Variants in KLC1 observed in about 807,000 individuals in gnomAD.
KLC1 encodes kinesin 2 60/70kDa.
Under a neutral mutation model 84.2 loss-of-function variants are expected in KLC1, and 30 were observed. The observed-to-expected ratio is 0.36, with a 90% CI of 0.27 to 0.48. The LOEUF is 0.48. KLC1 is among the 20% of genes least tolerant of loss of function. KLC1 has a pLI of 0.99. For synonymous variants in KLC1, 289 were observed against 293.3 expected (o/e 0.99, Z 0.15); for missense variants, 499 against 805.4 (o/e 0.62, Z 4.60).
intron 11 of KLC1, among the ~76,000 whole-genome samples, chr14:103,676,081 G>C (rs1402150699): frequency 6.6e-6 from 1 of 151,750 alleles, no homozygotes. Flanking sequence ...CACAGCGCTG[G>C]AGACACAGAT....
intron 5 of KLC1, among the ~76,000 whole-genome samples, chr14:103,666,212 T>A (rs561959642): frequency 1.3e-5 from 2 of 152,052 alleles, no homozygotes; most frequent in African/African-American, 4.8e-5. Flanking sequence ...TACAGGCGCC[T>A]GCCACCGCGC....
At chr14:103,675,168 C>A (rs2080773509) in intron 9 of KLC1, among the ~76,000 whole-genome samples, 1 of 151,918 alleles carries the variant, frequency 6.6e-6, no homozygotes, top group East Asian at 1.9e-4. Context: ...ACTAAAAATA[C>A]AAAAAAATTA....
intron 14 of KLC1, among the ~76,000 whole-genome samples, chr14:103,691,155 CTTT>C (rs11384297): frequency 3.9e-5 from 5 of 129,482 alleles, no homozygotes; most frequent in Non-Finnish European, 6.3e-5. Context: ...GTTCCCCCCA[CTTT>C]TTTTTTTTTT....
At chr14:103,651,171 G>A (rs1187467452) in intron 1 of KLC1, among the ~76,000 whole-genome samples, 4 of 151,864 alleles carry the variant, frequency 2.6e-5, no homozygotes, top group Non-Finnish European at 4.4e-5. Context: ...CACCACGCCC[G>A]GCTAATTTTT....
chr14:103,694,034 C>G lies in KLC1; in HGVS notation c.1848+1609C>G, dbSNP rs1299825767. ...AAGAATCTGGAAACATAAAGTACCC[C>G]TTTCAGAACGATAGGCATTTAGTGA... On this transcript the variant is annotated intron_variant, in intron 15 of 16. Coordinates refer to ENST00000334553, the MANE Select transcript of KLC1 (RefSeq NM_001394837.1). This position sits in a 1 kb window ranked among gnomAD's most constrained non-coding sequence, Gnocchi z 4.5. 9.9e-7 allele frequency: 1 copy of G among 1,006,606 alleles called. No individual in the cohort carries two copies. The highest frequency in any genetic ancestry group is 5.7e-5 in the Admixed American group (1 of 17,598). 62.4% of individuals were successfully genotyped at this position (1,006,606 alleles called of 1,614,324 possible). A position where few individuals can be genotyped will look rare whatever the true frequency, so the allele number is the denominator to read the frequency against.
At chr14:103,640,613 G>C (rs1415821148) in intron 1 of KLC1, among the ~76,000 whole-genome samples, 1 of 152,058 alleles carries the variant, frequency 6.6e-6, no homozygotes, top group Non-Finnish European at 1.5e-5. Flanking sequence ...GCCCGCCTCG[G>C]CCTCCCAAAG....
At chr14:103,631,761 C>A (rs2076707188) in intron 1 of KLC1, among the ~76,000 whole-genome samples, 1 of 151,850 alleles carries the variant, frequency 6.6e-6, no homozygotes, top group Admixed American at 6.6e-5. Flanking sequence ...CCACACCAGG[C>A]TGATTTTTTG....
At chr14:103,691,181 CAG>C (rs1489148050) in intron 14 of KLC1, among the ~76,000 whole-genome samples, 2 of 130,206 alleles carry the variant, frequency 1.5e-5, no homozygotes, top group East Asian at 2.3e-4. Context: ...TTTTCTGAGA[CAG>C]AGTCTTGCTG....
intron 15 of KLC1, chr14:103,695,235 G>A (rs562418417): frequency 2.4e-5 from 18 of 734,750 alleles, no homozygotes; most frequent in East Asian, 1.3e-4. Flanking sequence ...AGGCTGAGGC[G>A]GGAGGATCAC....
At chr14:103,698,585 C>T in intron 15 of KLC1, 1 of 603,714 alleles carries the variant, frequency 1.7e-6, no homozygotes. Flanking sequence ...GGCCTGTCCC[C>T]AGACCCAGGG....
At chr14:103,682,081 C>T (rs1353265901) in intron 13 of KLC1, among the ~76,000 whole-genome samples, 1 of 152,054 alleles carries the variant, frequency 6.6e-6, no homozygotes, top group East Asian at 1.9e-4. Flanking sequence ...AATGTTAAGA[C>T]TATACCTTGC....
rs369471460 is a variant in KLC1 at position 103,654,697 on chromosome 14, A to G, written c.133A>G (p.Ile45Val). ...AGCTTTGAAGAATGAGCACAATTCC[A>G]TTTTACAAAGTTTGCTGGAGACACT... ...LEALKNEHNSILQSLLETLKC... is the reference protein window; with the variant it reads ...LEALKNEHNSVLQSLLETLKC... The change falls in exon 2 of 17, where the codon ATT (isoleucine) becomes GTT (valine). Residue 45 changes from isoleucine (I) to valine (V), a missense_variant. Ile to Val is a conservative substitution (Grantham distance 29). Coordinates refer to ENST00000334553, the MANE Select transcript of KLC1 (RefSeq NM_001394837.1). 2.5e-6 allele frequency: 4 copies of G among 1,614,102 alleles called. No individual in the cohort carries two copies. Among genetic ancestry groups the G allele is most frequent in the African/African-American group, 2.7e-5 (2 of 74,926 alleles).
intron 15 of KLC1, chr14:103,700,388 A>G (rs1482378269): frequency 4.8e-6 from 2 of 414,166 alleles, no homozygotes; most frequent in Non-Finnish European, 8.6e-6. Flanking sequence ...AGCCATTGGC[A>G]TGGCTGGCCT....
At chr14:103,630,424 T>A (rs533538482) in intron 1 of KLC1, among the ~76,000 whole-genome samples, 1 of 152,310 alleles carries the variant, frequency 6.6e-6, no homozygotes, top group South Asian at 2.1e-4. Context: ...CTTACAAAAA[T>A]GATGTTTTTT....
intron 15 of KLC1, chr14:103,695,250 GC>G: frequency 2.9e-6 from 2 of 699,748 alleles, no homozygotes; most frequent in Non-Finnish European, 3.5e-6. Flanking sequence ...GATCACTTGA[GC>G]CCAGTTCAAG....
chr14:103,685,472 C>A, intron 13 of KLC1: 1 of 1,239,578 alleles, frequency 8.1e-7, no homozygotes, highest in Non-Finnish European at 1.0e-6. Flanking sequence ...CTGCTTTATG[C>A]TGGACTGGTA....
At chr14:103,677,160 C>T (rs1276489235) in intron 11 of KLC1, among the ~76,000 whole-genome samples, 1 of 152,204 alleles carries the variant, frequency 6.6e-6, no homozygotes, top group East Asian at 1.9e-4. Flanking sequence ...GTGAGAGCCG[C>T]CTCAGCCTGG....
rs2081824198 is a variant in KLC1 at position 103,687,085 on chromosome 14, G to A, written c.1655G>A (p.Gly552Asp). 10 of 1,537,282 alleles carry A rather than the reference G, an allele frequency of 6.5e-6. No individual in the cohort carries two copies. The highest frequency in any genetic ancestry group is 7.9e-6 in the Non-Finnish European group (9 of 1,136,218). The change falls in exon 14 of 17, where the codon GGC becomes GAC. Residue 552 changes from glycine to aspartate, a missense_variant. This residue lies in a region of KLC1 where 167 missense variants were observed against 208.8 expected (regional missense o/e 0.80). Coordinates refer to ENST00000334553, the MANE Select transcript of KLC1 (RefSeq NM_001394837.1). ...GTTTGTTCACGTTTTTTTCAGGATG[G>A]CACTGGATCTTTAAAACGCAGTGGT... ...VSMSVEWNGD[G>D]TGSLKRSGSF... is the part of the protein sequence containing the mutation.
rs2083129517 is a variant in KLC1 at position 103,700,845 on chromosome 14, G to T, written c.*1+118G>T. On this transcript the variant is annotated intron_variant, in intron 16 of 16. Coordinates refer to ENST00000334553, the MANE Select transcript of KLC1 (RefSeq NM_001394837.1). Reference sequence around the variant, plus strand: ...AAGTGGTGACTGCTGCTAGCTGCCAGGCTGGGCCTCCAAGAGGGGCTTGGC... The same window carrying T: ...AAGTGGTGACTGCTGCTAGCTGCCATGCTGGGCCTCCAAGAGGGGCTTGGC... 11 of 844,826 alleles carry T rather than the reference G, an allele frequency of 1.3e-5. No homozygotes were observed. In the South Asian group the frequency reaches 1.8e-4, roughly 14 times the overall value. The allele number at this position is 844,826 out of a possible 1,614,324, so 52.3% of individuals were successfully genotyped here. A position where few individuals can be genotyped will look rare whatever the true frequency, so the allele number is the denominator to read the frequency against.
Sources: allele counts gnomAD v4.1 joint callset (sites outside exome capture counted in the v4.1 genomes callset), GRCh38; gene constraint gnomAD v4.1.1; regional missense constraint gnomAD v4.1.1; non-coding constraint Gnocchi (gnomAD v3.1); transcripts MANE v1.5; gene names NCBI Gene and HGNC (gene_info 2026-07-23, HGNC 2026-07-21).